Variants in PPP1R9A observed in about 807,000 individuals in gnomAD.
The protein encoded by PPP1R9A is neurabin-1.
Under a neutral mutation model 141.9 loss-of-function variants are expected in PPP1R9A, and 59 were observed. The ratio of observed to expected loss-of-function variants is 0.42; its 90% CI spans 0.34 to 0.52. The LOEUF (loss-of-function observed/expected upper bound fraction) is 0.52, where lower values mean the gene tolerates loss of function less well. Ranked by LOEUF, PPP1R9A falls within the 20% of genes least tolerant of loss-of-function variation. The pLI, the probability that PPP1R9A is intolerant of heterozygous loss-of-function variation, is 0.10. For missense variants in PPP1R9A, 1,444 were observed against 1,611.9 expected, an observed-to-expected ratio of 0.90 and a Z score of 1.78; for synonymous variants, 500 against 569.7, an observed-to-expected ratio of 0.88 and a Z score of 1.74.
At chr7:95,254,317 G>A (rs1288377171) in intron 12 of PPP1R9A, among the ~76,000 whole-genome samples, 3 of 152,112 alleles carry the variant, frequency 2.0e-5, no homozygotes, top group African/African-American at 7.2e-5. Context: ...AACTAAAATG[G>A]CGTGGTCAGT....
chr7:95,264,300 A>C, intron 12 of PPP1R9A, among the ~76,000 whole-genome samples: 1 of 152,210 alleles, frequency 6.6e-6, no homozygotes, highest in African/African-American at 2.4e-5. Context: ...GATGGCATGA[A>C]GTATGGCTGT....
intron 7 of PPP1R9A, among the ~76,000 whole-genome samples, chr7:95,220,128 C>G (rs1794195133): frequency 6.6e-6 from 1 of 152,052 alleles, no homozygotes; most frequent in Admixed American, 6.6e-5. Flanking sequence ...AAAATTAGGA[C>G]ACACAGGAGT....
At chr7:95,261,840 A>T (rs1193268907) in intron 12 of PPP1R9A, among the ~76,000 whole-genome samples, 1 of 152,178 alleles carries the variant, frequency 6.6e-6, no homozygotes, top group Non-Finnish European at 1.5e-5. Context: ...ATTCTTATAC[A>T]TCTATTATAT....
chr7:95,290,426 T>G lies in PPP1R9A; in HGVS notation c.*123T>G. The G allele has an allele frequency of 9.1e-7, 1 of 1,099,840 alleles. No individual in the cohort carries two copies. The highest frequency in any genetic ancestry group is 1.6e-5 in the African/African-American group (1 of 62,810). 68.1% of individuals were successfully genotyped at this position (1,099,840 alleles called of 1,614,324 possible). A position where few individuals can be genotyped will look rare whatever the true frequency, so the allele number is the denominator to read the frequency against. On this transcript the variant is annotated 3_prime_UTR_variant, in exon 20 of 20. Transcript: ENST00000433360. ...AAGGGTAATGCGGCTCTAGGCCGGC[T>G]GAGGAACTGTGTGTTGAATAACTGC...
At chr7:95,040,856 A>C (rs1809133245) in intron 2 of PPP1R9A, among the ~76,000 whole-genome samples, 1 of 152,070 alleles carries the variant, frequency 6.6e-6, no homozygotes, top group Non-Finnish European at 1.5e-5. Context: ...TGCATTCTCC[A>C]TGAAAGAGAT....
intron 5 of PPP1R9A, among the ~76,000 whole-genome samples, chr7:95,183,427 A>G (rs1042679959): frequency 7.4e-6 from 1 of 135,900 alleles, no homozygotes; most frequent in African/African-American, 2.8e-5. Flanking sequence ...GGCATGAGTC[A>G]CCCTTCCTGG....
chr7:95,151,393 A>T (rs1395952322), intron 4 of PPP1R9A, among the ~76,000 whole-genome samples: 1 of 152,220 alleles, frequency 6.6e-6, no homozygotes, highest in Admixed American at 6.5e-5. Flanking sequence ...TATAATTCCT[A>T]TTATCTGACT....
At chr7:95,065,211 G>A (rs916954345) in intron 2 of PPP1R9A, among the ~76,000 whole-genome samples, 2 of 152,044 alleles carry the variant, frequency 1.3e-5, no homozygotes, top group African/African-American at 4.8e-5. Flanking sequence ...GACTACAGGT[G>A]TGCACCACCA....
intron 2 of PPP1R9A, among the ~76,000 whole-genome samples, chr7:95,000,779 C>A (rs1451071076): frequency 6.6e-6 from 1 of 152,040 alleles, no homozygotes; most frequent in Non-Finnish European, 1.5e-5. Context: ...GGTTAGGATT[C>A]CAGGGTCATT....
chr7:95,016,035 A>G (rs1458760254), intron 2 of PPP1R9A, among the ~76,000 whole-genome samples: 1 of 152,182 alleles, frequency 6.6e-6, no homozygotes, highest in Non-Finnish European at 1.5e-5. Context: ...CTTGGGCAAC[A>G]GTAAGACCTA....
intron 2 of PPP1R9A, among the ~76,000 whole-genome samples, chr7:94,971,864 A>T (rs1024154981): frequency 1.3e-5 from 2 of 152,344 alleles, no homozygotes; most frequent in South Asian, 2.1e-4. Context: ...ATTGGTTAGG[A>T]TATAAGAATT....
chr7:95,006,029 T>G (rs1353942959), intron 2 of PPP1R9A, among the ~76,000 whole-genome samples: 1 of 152,058 alleles, frequency 6.6e-6, no homozygotes, highest in African/African-American at 2.4e-5. Flanking sequence ...AAAACCTTAG[T>G]GGTATTTTGA....
chr7:95,129,077 G>A (rs1212156784), intron 4 of PPP1R9A, among the ~76,000 whole-genome samples: 2 of 152,126 alleles, frequency 1.3e-5, no homozygotes, highest in African/African-American at 2.4e-5. Context: ...TGACTAGTTA[G>A]CTATCCTAGC....
Position 95,161,926 on chromosome 7 carries a change from A to C in PPP1R9A, c.1709A>C (p.Gln570Pro). 1 of 1,611,190 alleles carries C rather than the reference A, an allele frequency of 6.2e-7. No homozygotes were observed. Among genetic ancestry groups the C allele is most frequent in the South Asian group, 1.1e-5 (1 of 90,736 alleles). The change falls in exon 5 of 20, where the codon CAG (glutamine) becomes CCG (proline). Residue 570 changes from glutamine (Q) to proline (P), a missense_variant. Around this residue, in one of 5 missense-constraint regions of PPP1R9A, gnomAD observed 488 missense variants for 542.0 expected, o/e 0.90. Transcript: ENST00000433360. ...GGAATCAGCTTGGTGGGTGTGACAC[A>C]GAATTTTGCAGCAACAGTTCTCAGA... is the stretch of plus-strand genomic sequence containing the variant. ...VDGISLVGVTQNFAATVLRNT... is the reference protein window; with the variant it reads ...VDGISLVGVTPNFAATVLRNT...
rs1478683235 is a variant in PPP1R9A at position 95,081,638 on chromosome 7, C to T, written c.1396-29621C>T. On this transcript the variant is annotated intron_variant, in intron 2 of 19. Coordinates refer to ENST00000433360, the MANE Select transcript of PPP1R9A (RefSeq NM_001166160.2). Reference sequence around the variant, plus strand: ...ACTCCCTGAAAGGTGCATTAGTAAACCATGAGGTAACTTAAGTGGCCAAAT... The same window carrying T: ...ACTCCCTGAAAGGTGCATTAGTAAATCATGAGGTAACTTAAGTGGCCAAAT... 1.3e-5 allele frequency among the ~76,000 whole-genome samples: 2 copies of T among 152,110 alleles called. 1 individual carries two copies. The highest frequency in any genetic ancestry group is 4.8e-5 in the African/African-American group (2 of 41,426).
chr7:94,994,501 GA>G (rs577767702), intron 2 of PPP1R9A, among the ~76,000 whole-genome samples: 1 of 152,148 alleles, frequency 6.6e-6, no homozygotes, highest in Non-Finnish European at 1.5e-5. Flanking sequence ...TTATCAAATT[GA>G]TGAAGTTCCT....
At chr7:94,996,456 C>T (rs945403248) in intron 2 of PPP1R9A, among the ~76,000 whole-genome samples, 1 of 152,138 alleles carries the variant, frequency 6.6e-6, no homozygotes, top group Non-Finnish European at 1.5e-5. Flanking sequence ...AGAACTCCTA[C>T]AGATGAGTTA....
In PPP1R9A at chr7:95,247,348, T is replaced by C. The variant is rs142337323; in HGVS notation, c.2113-125T>C. 121 of 663,326 alleles carry C rather than the reference T, an allele frequency of 1.8e-4. No individual in the cohort carries two copies. In the East Asian group the frequency reaches 3.3e-3, roughly 18 times the overall value. 41.1% of individuals were successfully genotyped at this position (663,326 alleles called of 1,614,324 possible). On this transcript the variant is annotated intron_variant, in intron 8 of 19. Transcript: ENST00000433360. The stretch of plus-strand genomic sequence containing the variant: ...CACAGTAGACACTTTAATTTACAAC[T>C]TGCTGCACTGCAGCACTTTTCTAGG...
intron 2 of PPP1R9A, among the ~76,000 whole-genome samples, chr7:94,943,366 TC>T (rs1287334453): frequency 2.0e-5 from 3 of 152,222 alleles, no homozygotes; most frequent in Non-Finnish European, 4.4e-5. Context: ...TGAAATTTCT[TC>T]CTGTAAACAA....
Sources: gnomAD v4.1 joint callset for allele counts (sites outside exome capture counted in the v4.1 genomes callset) on GRCh38, gnomAD v4.1.1 for gene constraint, gnomAD v4.1.1 regional missense constraint, MANE v1.5 for transcripts, NCBI Gene and HGNC (gene_info 2026-07-23, HGNC 2026-07-21) for gene names.